The following WRAP73 variants were observed in gnomAD, a reference collection of about 807,000 sequenced individuals.
WRAP73 encodes the protein WD repeat-containing protein WRAP73.
A neutral mutation model predicts 59.6 loss-of-function variants in WRAP73; 55 were observed. The observed-to-expected ratio is 0.92, with a 90% CI of 0.74 to 1.15. The LOEUF (loss-of-function observed/expected upper bound fraction) is 1.15, where lower values mean the gene tolerates loss of function less well. Among genes scored for constraint, WRAP73 ranks in the 50% most tolerant of loss-of-function variants. The pLI, the probability that WRAP73 is intolerant of heterozygous loss-of-function variation, is 0.00. For synonymous variants in WRAP73, 265 were observed against 258.2 expected (o/e 1.03, Z -0.25); for missense variants, 592 against 608.1 (o/e 0.97, Z 0.28).
In WRAP73 at chr1:3,647,523, A is replaced by G; in HGVS notation, c.107T>C (p.Val36Ala). Residue 36 changes from valine to alanine, a missense_variant, in exon 2 of 12, where the codon GTG becomes GCG. Coordinates refer to ENST00000270708, the MANE Select transcript of WRAP73 (RefSeq NM_017818.4). ...CAGCTGAAGGATCTGAAGGGTGTTC[A>G]CATCCCGGACCACTAACCGGTACTG... Reference protein sequence around the residue: ...CVQYRLVVRDVNTLQILQLYT... With the variant: ...CVQYRLVVRDANTLQILQLYT... The G allele has an allele frequency of 6.2e-7, 1 of 1,613,944 alleles. No individual in the cohort carries two copies. The highest frequency in any genetic ancestry group is 1.1e-5 in the South Asian group (1 of 91,080).
intron 10 of WRAP73, 128 bp downstream of exon 10, chr1:3,632,085 C>T: frequency 9.3e-6 from 14 of 1,501,094 alleles, no homozygotes; most frequent in Non-Finnish European, 1.1e-5. Flanking sequence ...ACCTCGGCTA[C>T]TGCAGAAACG....
chr1:3,638,721 T>C (rs1185221601), intron 4 of WRAP73, 29 bp downstream of exon 4: 2 of 1,612,858 alleles, frequency 1.2e-6, no homozygotes. Flanking sequence ...TGCAAAGAAA[T>C]GGCTTTTGCG....
Position 3,635,931 on chromosome 1 carries a change from G to C in WRAP73, c.603+13C>G. ...CTCTCGAAAGCAAACATGTCACCTG[G>C]TCATCTTCATACCTCCAAGCAGGTG... On this transcript the variant is annotated intron_variant, in intron 6 of 11. Coordinates refer to ENST00000270708, the MANE Select transcript of WRAP73 (RefSeq NM_017818.4). 1 of 1,611,418 alleles carries C rather than the reference G, an allele frequency of 6.2e-7. No homozygotes were observed. Among genetic ancestry groups the C allele is most frequent in the Non-Finnish European group, 8.5e-7 (1 of 1,177,970 alleles).
In WRAP73 at chr1:3,638,685, T is replaced by A. The variant is rs1478722845; in HGVS notation, c.412+65A>T. On this transcript the variant is annotated intron_variant, in intron 4 of 11. Coordinates refer to ENST00000270708, the MANE Select transcript of WRAP73 (RefSeq NM_017818.4). ...GAAGCTACTTCTGCCTCTTTGAAACTTCCCGTGACAAAAAAGTCAAACAGC... is the reference window on the plus strand; with the variant it reads ...GAAGCTACTTCTGCCTCTTTGAAACATCCCGTGACAAAAAAGTCAAACAGC... 4 of 1,589,218 alleles carry A rather than the reference T, an allele frequency of 2.5e-6. No homozygotes were observed. In the Admixed American group the frequency reaches 5.0e-5, roughly 20 times the overall value.
chr1:3,633,213 G>A (rs1013960455), intron 9 of WRAP73, 185 bp downstream of exon 9: 4 of 620,572 alleles, frequency 6.4e-6, no homozygotes, highest in African/African-American at 1.9e-5. Context: ...GCACCTTCAC[G>A]GCCCACTGCG....
rs762956397 is a variant in WRAP73, at chr1:3,635,264, G to A, written c.634C>T (p.Arg212Trp). ...TAAGCGCTGTACGTGGACAACAACC[G>A]GCCATCCAATGAGTACAGCAGAATC... ...YKILLYSLDGRLLSTYSAYEW... is the reference protein window; with the variant it reads ...YKILLYSLDGWLLSTYSAYEW... Residue 212 changes from arginine to tryptophan, a missense_variant, in exon 7 of 12, where the codon CGG becomes TGG. Coordinates refer to ENST00000270708, the MANE Select transcript of WRAP73 (RefSeq NM_017818.4). The A allele has an allele frequency of 2.4e-5, 39 of 1,613,846 alleles. No individual in the cohort carries two copies. Among genetic ancestry groups the A allele is most frequent in the Admixed American group, 5.0e-5 (3 of 60,010 alleles).
intron 3 of WRAP73, among the ~76,000 whole-genome samples, chr1:3,644,995 A>G (rs1644676004): frequency 6.6e-6 from 1 of 152,138 alleles, no homozygotes; most frequent in African/African-American, 2.4e-5. Context: ...TCTCTGAAAC[A>G]CTCAGGCCGA....
At chr1:3,638,199 T>G (rs906501668) in intron 4 of WRAP73, among the ~76,000 whole-genome samples, 10 of 152,250 alleles carry the variant, frequency 6.6e-5, no homozygotes, top group African/African-American at 2.4e-4. Context: ...TCCCACTAGC[T>G]CTGCGCGGTC....
At position 3,640,373 on chromosome 1, in the gene WRAP73, C is replaced by T. The variant is rs192292090; in HGVS notation, c.340-1551G>A. On this transcript the variant is annotated intron_variant, in intron 3 of 11. Coordinates refer to ENST00000270708, the MANE Select transcript of WRAP73 (RefSeq NM_017818.4). ...CTCAGACTCAGCAGGGTGGGTGCAG[C>T]GCCTGAGGCTCTGAGCATCAGCAGG... 4.6e-5 allele frequency among the ~76,000 whole-genome samples: 7 copies of T among 152,296 alleles called. No homozygotes were observed. In the South Asian group the frequency reaches 1.0e-3, roughly 23 times the overall value.
rs1279534767 is a variant in WRAP73 at position 3,633,379 on chromosome 1, C to T, written c.922+19G>A. ...TGCATTAAAAAAGGAAAACAAATGACATCACATGTGCTACTTACATTTACT... is the reference window on the plus strand; with the variant it reads ...TGCATTAAAAAAGGAAAACAAATGATATCACATGTGCTACTTACATTTACT... On this transcript the variant is annotated intron_variant, in intron 9 of 11. Transcript: ENST00000270708. 6 of 1,594,808 alleles carry T rather than the reference C, an allele frequency of 3.8e-6. No homozygotes were observed. The African/African-American group carries it at 5.4e-5, about 14-fold the overall frequency.
At chr1:3,633,115 A>G (rs1363462499) in intron 9 of WRAP73, 4 of 390,378 alleles carry the variant, frequency 1.0e-5, no homozygotes, top group East Asian at 6.0e-5. Flanking sequence ...TTTGAAAAAC[A>G]TCATTCTCGG....
At chr1:3,632,064 C>T in intron 10 of WRAP73, 149 bp downstream of exon 10, 1 of 1,495,832 alleles carries the variant, frequency 6.7e-7, no homozygotes, top group Middle Eastern at 2.5e-4. Context: ...CTCCAAGGAG[C>T]TTCTGTGAGC....
In WRAP73 at chr1:3,635,072, C is replaced by T. The variant is rs1487745443; in HGVS notation, c.741G>A (p.Val247=). The T allele has an allele frequency of 6.2e-7, 1 of 1,614,222 alleles. No individual in the cohort carries two copies. Residue 247 remains valine, a splice_region_variant and synonymous_variant, in exon 8 of 12, where the codon GTG becomes GTA. Transcript: ENST00000270708. ...TCCAAGTCACGTGATTAAGGATGCG[C>T]ACCTGAGGAAGGAAACCATGCACAG... ...FLAVGSYDGK[V]RILNHVTWKM...
At chr1:3,649,010 A>C (rs1644715728) in intron 1 of WRAP73, among the ~76,000 whole-genome samples, 1 of 152,250 alleles carries the variant, frequency 6.6e-6, no homozygotes, top group Non-Finnish European at 1.5e-5. Context: ...CTGAAAAAGC[A>C]TCATGATACA....
At position 3,646,821 on chromosome 1, in the gene WRAP73, C is replaced by G; in HGVS notation, c.223-39G>C. On this transcript the variant is annotated intron_variant, in intron 2 of 11. Coordinates refer to ENST00000270708, the MANE Select transcript of WRAP73 (RefSeq NM_017818.4). The surrounding 1 kb of genome is among the most constrained non-coding windows in gnomAD (Gnocchi z 5.1). ...AGAAAGAAACACACAAGTGCAAACT[C>G]ATCAGCACCGAGAGACAGCGAGGAC... The G allele has an allele frequency of 6.4e-7, 1 of 1,562,862 alleles. No homozygotes were observed.
At chr1:3,645,503 C>G (rs1297087172) in intron 3 of WRAP73, among the ~76,000 whole-genome samples, 2 of 148,550 alleles carry the variant, frequency 1.3e-5, no homozygotes, top group Admixed American at 6.7e-5. Flanking sequence ...CGCGGCGCAG[C>G]GGGATGGGCG....
Position 3,649,930 on chromosome 1 carries a change from C to T in WRAP73, c.69+1G>A. On this transcript the variant is annotated splice_donor_variant, in intron 1 of 11. Coordinates refer to ENST00000270708, the MANE Select transcript of WRAP73 (RefSeq NM_017818.4). LOFTEE classifies it high-confidence loss of function. ...CCGTGGCCCAGGTCCCCGCCGCTCA[C>T]CAGGTACTTGCCGTCCGGGGAGAAC... is the stretch of plus-strand genomic sequence containing the variant. The T allele has an allele frequency of 6.2e-7, 1 of 1,601,470 alleles. No homozygotes were observed. The highest frequency in any genetic ancestry group is 8.5e-7 in the Non-Finnish European group (1 of 1,175,386).
chr1:3,637,397 A>G (rs1317511864), intron 4 of WRAP73, among the ~76,000 whole-genome samples: 1 of 151,826 alleles, frequency 6.6e-6, no homozygotes, highest in Admixed American at 6.6e-5. Flanking sequence ...CTGATTAATC[A>G]CAAATATGAG....
intron 3 of WRAP73, among the ~76,000 whole-genome samples, chr1:3,640,558 C>T (rs1426624636): frequency 2.4e-4 from 34 of 140,372 alleles, no homozygotes; most frequent in African/African-American, 9.3e-4. Context: ...CGGGGTGCAG[C>T]GCCCGAGGCT....
Sources: allele counts gnomAD v4.1 joint callset (sites outside exome capture counted in the v4.1 genomes callset), GRCh38; gene constraint gnomAD v4.1.1; non-coding constraint Gnocchi (gnomAD v3.1); transcripts MANE v1.5; gene names NCBI Gene and HGNC (gene_info 2026-07-23, HGNC 2026-07-21).